ABCD2: variants seen among roughly 807,000 people sequenced by gnomAD.
The protein encoded by ABCD2 is ATP-binding cassette sub-family D member 2.
In ABCD2, 36 loss-of-function variants were observed where a neutral mutation model predicts 70.9. That is an observed-to-expected ratio of 0.51 (90% CI 0.39 to 0.67). ABCD2 has a LOEUF of 0.67. Among genes scored for constraint, ABCD2 ranks in the 30% least tolerant of loss-of-function variants. The probability of loss-of-function intolerance (pLI) is 0.00; values close to 1 mark genes in which losing one functional copy is unlikely to be tolerated. For synonymous variants in ABCD2, 304 were observed against 306.9 expected, an observed-to-expected ratio of 0.99 and a Z score of 0.10; for missense variants, 729 against 890.2, an observed-to-expected ratio of 0.82 and a Z score of 2.30.
Position 39,553,936 on chromosome 12 carries a change from A to C in ABCD2, c.2199T>G (p.Ile733Met). 1.9e-5 allele frequency: 31 copies of C among 1,610,546 alleles called. No individual in the cohort carries two copies. Among genetic ancestry groups the C allele is most frequent in the Non-Finnish European group, 2.6e-5 (31 of 1,178,770 alleles). ...ATTAAGATGTCTCATCTTCATTTTT[A>C]ATTGTTTTCAGCACTGAGTCTTCTC... ...ILGEDSVLKT[I>M]KNEDETS The change falls in exon 10 of 10, where the codon ATT becomes ATG. Residue 733 changes from isoleucine (I) to methionine (M), a missense_variant. Around this residue, in one of 3 missense-constraint regions of ABCD2, gnomAD observed 289 missense variants for 328.8 expected, o/e 0.88. Transcript: ENST00000308666.
the ABCD2 span, among the ~76,000 whole-genome samples, chr12:39,545,032 A>T: frequency 5.1e-3 from 772 of 152,322 alleles, 2 homozygotes; most frequent in African/African-American, 0.018. Context: ...GCAGAAAAAC[A>T]CCTCAAAAAC....
chr12:39,595,818 T>G lies in ABCD2; in HGVS notation c.1646+4753A>C, dbSNP rs74088756. Among the ~76,000 whole-genome samples, 369 of 152,346 alleles carry G rather than the reference T, an allele frequency of 2.4e-3. 2 individuals are homozygous for G. The highest frequency in any genetic ancestry group is 8.4e-3 in the African/African-American group (350 of 41,590). ...TACCGTCATCTTTTATTATGCTTTT[T>G]GAGAAGTAATTTAGCACATAAAATT... On this transcript the variant is annotated intron_variant, in intron 6 of 9. Coordinates refer to ENST00000308666, the MANE Select transcript of ABCD2 (RefSeq NM_005164.4).
intron 6 of ABCD2, among the ~76,000 whole-genome samples, chr12:39,599,071 G>T (rs143685405): frequency 1.9e-3 from 290 of 152,182 alleles, no homozygotes; most frequent in African/African-American, 6.8e-3. Context: ...ATTGCAGTTG[G>T]TTTTTTTGCT....
At chr12:39,563,523 A>G (rs866793245) in intron 9 of ABCD2, among the ~76,000 whole-genome samples, 1 of 152,230 alleles carries the variant, frequency 6.6e-6, no homozygotes, top group Non-Finnish European at 1.5e-5. Context: ...TAGGCAAGAA[A>G]AAGAAATAAA....
chr12:39,604,074 TA>T (rs1327373205), intron 4 of ABCD2, 68 bp from the exon 5 acceptor site: 2 of 1,079,612 alleles, frequency 1.9e-6, no homozygotes, highest in Non-Finnish European at 2.8e-6. Flanking sequence ...CGTAAATTAT[TA>T]TGCAGTATAA....
the ABCD2 span, among the ~76,000 whole-genome samples, chr12:39,544,670 C>T: frequency 6.6e-6 from 1 of 152,070 alleles, no homozygotes; most frequent in East Asian, 1.9e-4. Context: ...ACACCTTAAT[C>T]TTAAGGTGTA....
chr12:39,556,882 G>A (rs552952612), intron 9 of ABCD2, among the ~76,000 whole-genome samples: 1 of 152,030 alleles, frequency 6.6e-6, no homozygotes, highest in South Asian at 2.1e-4. Context: ...TACTCAGGAG[G>A]CTGAGGCAGG....
intron 2 of ABCD2, among the ~76,000 whole-genome samples, chr12:39,614,865 TTAATA>T (rs1942094791): frequency 5.3e-5 from 8 of 152,094 alleles, no homozygotes; most frequent in Admixed American, 5.2e-4. Context: ...ACATTCTCAA[TTAATA>T]GTCTGTCATA....
chr12:39,579,526 T>A lies in ABCD2; in HGVS notation c.1877+9A>T, dbSNP rs760782253. ...TGGCCTAGTAGTTACCTGAATTTAGTATACTTACTTATGATAAAACATACG... is the reference window on the plus strand; with the variant it reads ...TGGCCTAGTAGTTACCTGAATTTAGAATACTTACTTATGATAAAACATACG... On this transcript the variant is annotated intron_variant, in intron 8 of 9. Transcript: ENST00000308666. The A allele has an allele frequency of 7.5e-6, 12 of 1,604,246 alleles. No individual in the cohort carries two copies. Among genetic ancestry groups the A allele is most frequent in the Non-Finnish European group, 1.0e-5 (12 of 1,171,924 alleles).
At chr12:39,560,592 A>T (rs1436614749) in intron 9 of ABCD2, among the ~76,000 whole-genome samples, 1 of 152,196 alleles carries the variant, frequency 6.6e-6, no homozygotes, top group Non-Finnish European at 1.5e-5. Flanking sequence ...GATGAAGGGT[A>T]AAGGTTGTGT....
intron 6 of ABCD2, among the ~76,000 whole-genome samples, chr12:39,591,462 C>A (rs545553364): frequency 6.6e-6 from 1 of 151,956 alleles, no homozygotes; most frequent in Admixed American, 6.6e-5. Context: ...CTGTAATCCC[C>A]GTAATTTGGG....
chr12:39,535,362 A>G, the ABCD2 span, among the ~76,000 whole-genome samples: 1 of 152,230 alleles, frequency 6.6e-6, no homozygotes, highest in African/African-American at 2.4e-5. Flanking sequence ...CTATAAATCT[A>G]TAGTTAAAAA....
rs117712323 is a variant in ABCD2 at position 39,583,972 on chromosome 12, T to G, written c.1792+2180A>C. Among the ~76,000 whole-genome samples, 8 of 152,336 alleles carry G rather than the reference T, an allele frequency of 5.3e-5. No individual in the cohort carries two copies. The East Asian group carries it at 1.3e-3, about 26-fold the overall frequency. ...TCCATGTTTTTGCTATTGTGTATAGTGCTGTGATGAACATTTGTGTGCATA... is the reference window on the plus strand; with the variant it reads ...TCCATGTTTTTGCTATTGTGTATAGGGCTGTGATGAACATTTGTGTGCATA... On this transcript the variant is annotated intron_variant, in intron 7 of 9. Coordinates refer to ENST00000308666, the MANE Select transcript of ABCD2 (RefSeq NM_005164.4).
intron 9 of ABCD2, among the ~76,000 whole-genome samples, chr12:39,558,194 T>C (rs969827759): frequency 6.6e-6 from 1 of 152,236 alleles, no homozygotes; most frequent in Non-Finnish European, 1.5e-5. Context: ...AGCTTTAAGA[T>C]TTGACTGATC....
At chr12:39,588,638 C>T (rs1288538518) in intron 6 of ABCD2, among the ~76,000 whole-genome samples, 6 of 152,020 alleles carry the variant, frequency 3.9e-5, no homozygotes, top group African/African-American at 7.3e-5. Flanking sequence ...TTCAAACCGC[C>T]AAGTGTTTGG....
intron 9 of ABCD2, among the ~76,000 whole-genome samples, chr12:39,570,416 C>T (rs1941430904): frequency 6.6e-6 from 1 of 152,068 alleles, no homozygotes; most frequent in African/African-American, 2.4e-5. Flanking sequence ...GAATAGAGAA[C>T]CCAGAAATAA....
At chr12:39,564,473 G>T (rs1566537224) in intron 9 of ABCD2, among the ~76,000 whole-genome samples, 1 of 152,060 alleles carries the variant, frequency 6.6e-6, no homozygotes, top group Non-Finnish European at 1.5e-5. Context: ...TTTTGATGGG[G>T]TTGTTTGTTT....
chr12:39,580,754 T>G (rs954668911), intron 7 of ABCD2, among the ~76,000 whole-genome samples: 17 of 152,156 alleles, frequency 1.1e-4, no homozygotes, highest in Non-Finnish European at 2.1e-4. Context: ...AGGGATTAAC[T>G]CTCATCTTTG....
intron 9 of ABCD2, among the ~76,000 whole-genome samples, chr12:39,572,053 G>T (rs764162049): frequency 6.6e-6 from 1 of 152,276 alleles, no homozygotes. Flanking sequence ...TACTTGGGTA[G>T]CTGCAATTAA....
Sources: gnomAD v4.1 joint callset for allele counts (sites outside exome capture counted in the v4.1 genomes callset) on GRCh38, gnomAD v4.1.1 for gene constraint, gnomAD v4.1.1 regional missense constraint, MANE v1.5 for transcripts, NCBI Gene and HGNC (gene_info 2026-07-23, HGNC 2026-07-21) for gene names.